RAB38: variants seen among roughly 807,000 people sequenced by gnomAD.
RAB38 encodes the protein ras-related protein Rab-38.
Under a neutral mutation model 18.4 loss-of-function variants are expected in RAB38, and 15 were observed. The observed-to-expected ratio is 0.82, with a 90% CI of 0.55 to 1.26. RAB38 has a LOEUF of 1.26. Among genes scored for constraint, RAB38 ranks in the 50% most tolerant of loss-of-function variants. The pLI is 0.00. For missense variants in RAB38, 294 were observed against 267.4 expected (o/e 1.10, Z -0.69); for synonymous variants, 101 against 104.4 (o/e 0.97, Z 0.20).
chr11:87,843,538 G>A, the RAB38 span, among the ~76,000 whole-genome samples: 1 of 152,098 alleles, frequency 6.6e-6, no homozygotes, highest in Non-Finnish European at 1.5e-5. Context: ...TGACTAATAT[G>A]TACATCAATA....
chr11:87,819,460 T>A, the RAB38 span, among the ~76,000 whole-genome samples: 5 of 152,106 alleles, frequency 3.3e-5, no homozygotes, highest in South Asian at 2.1e-4. Context: ...GATTTTTTTT[T>A]ATTGTTTTTT....
chr11:88,148,884 T>C (rs4753250), intron 2 of RAB38, among the ~76,000 whole-genome samples: 36,544 of 152,148 alleles, frequency 0.24, 4,521 homozygotes, highest in Non-Finnish European at 0.28. Flanking sequence ...ATTTTAGTTA[T>C]GGTTTTTTAT....
At chr11:88,143,134 CTT>C (rs1942937064) in intron 2 of RAB38, among the ~76,000 whole-genome samples, 1 of 152,212 alleles carries the variant, frequency 6.6e-6, no homozygotes, top group African/African-American at 2.4e-5. Context: ...AATCCTGACT[CTT>C]TGACATACCG....
At chr11:87,929,259 T>A in the RAB38 span, among the ~76,000 whole-genome samples, 1 of 152,088 alleles carries the variant, frequency 6.6e-6, no homozygotes, top group Non-Finnish European at 1.5e-5. Context: ...AGTTAACTAG[T>A]TAGTAAAAAC....
At chr11:88,056,974 TATA>T in the RAB38 span, among the ~76,000 whole-genome samples, 1 of 152,174 alleles carries the variant, frequency 6.6e-6, no homozygotes, top group African/African-American at 2.4e-5. Context: ...TCGGTGAATA[TATA>T]ATGAGTATCA....
chr11:87,933,414 T>G, the RAB38 span, among the ~76,000 whole-genome samples: 1 of 152,094 alleles, frequency 6.6e-6, no homozygotes. Flanking sequence ...CTGGTCCAGC[T>G]TAGTTACCTC....
chr11:88,118,981 T>A (rs1411825130), intron 2 of RAB38, among the ~76,000 whole-genome samples: 1 of 152,282 alleles, frequency 6.6e-6, no homozygotes, highest in East Asian at 1.9e-4. Flanking sequence ...CAGAACATTA[T>A]CTTAGCCAAT....
the RAB38 span, among the ~76,000 whole-genome samples, chr11:88,069,508 C>G: frequency 2.0e-5 from 3 of 152,324 alleles, no homozygotes; most frequent in African/African-American, 7.2e-5. Context: ...CAGCTGGGCT[C>G]CTGAGTGGGG....
chr11:87,916,570 C>T, the RAB38 span, among the ~76,000 whole-genome samples: 1 of 152,104 alleles, frequency 6.6e-6, no homozygotes, highest in Non-Finnish European at 1.5e-5. Context: ...CAACAATGTG[C>T]TTCTCATACT....
the RAB38 span, among the ~76,000 whole-genome samples, chr11:87,897,449 G>T: frequency 6.6e-6 from 1 of 151,560 alleles, no homozygotes; most frequent in African/African-American, 2.4e-5. Context: ...CTATTTCCCA[G>T]ATCTTAAAAA....
intron 1 of RAB38, chr11:88,173,699 A>G: frequency 1.0e-6 from 1 of 982,188 alleles, no homozygotes; most frequent in Non-Finnish European, 1.2e-6. Context: ...ATGCAGCAAG[A>G]AAGTACACAG....
chr11:88,107,933 G>C, the RAB38 span, among the ~76,000 whole-genome samples: 1 of 152,164 alleles, frequency 6.6e-6, no homozygotes, highest in Non-Finnish European at 1.5e-5. Context: ...GCAATTTTGA[G>C]TGAGTTTCTC....
the RAB38 span, among the ~76,000 whole-genome samples, chr11:87,818,113 G>A: frequency 6.6e-6 from 1 of 152,148 alleles, no homozygotes; most frequent in African/African-American, 2.4e-5. Context: ...AATACAGATA[G>A]CCGGGAGCTC....
intron 1 of RAB38, among the ~76,000 whole-genome samples, chr11:88,156,539 T>C (rs956998632): frequency 6.6e-6 from 1 of 152,000 alleles, no homozygotes; most frequent in Non-Finnish European, 1.5e-5. Context: ...CCATCTCTAA[T>C]AAAAATACAA....
At chr11:87,880,658 C>A in the RAB38 span, among the ~76,000 whole-genome samples, 2 of 151,726 alleles carry the variant, frequency 1.3e-5, no homozygotes, top group African/African-American at 2.4e-5. Context: ...TATATAGGGT[C>A]CCACAACATT....
intron 1 of RAB38, chr11:88,173,795 G>GC (rs1396639903): frequency 1.0e-6 from 1 of 985,256 alleles, no homozygotes; most frequent in African/African-American, 1.7e-5. Context: ...TACTAGAGCA[G>GC]CTGAAGATGA....
the RAB38 span, among the ~76,000 whole-genome samples, chr11:87,903,457 C>G: frequency 6.6e-6 from 1 of 151,328 alleles, no homozygotes; most frequent in South Asian, 2.1e-4. Context: ...TTGCGTTTGA[C>G]TTATTCATGT....
chr11:88,083,051 G>A, the RAB38 span, among the ~76,000 whole-genome samples: 3 of 151,682 alleles, frequency 2.0e-5, no homozygotes, highest in Non-Finnish European at 2.9e-5. Flanking sequence ...GAATAGATAC[G>A]CTCCTACTTC....
At chr11:88,125,728 T>A (rs530200426) in intron 2 of RAB38, among the ~76,000 whole-genome samples, 1 of 152,196 alleles carries the variant, frequency 6.6e-6, no homozygotes, top group Non-Finnish European at 1.5e-5. Context: ...AATTAGATCC[T>A]ATTTGTCAAT....
Sources: gnomAD v4.1 joint callset for allele counts (sites outside exome capture counted in the v4.1 genomes callset) on GRCh38, gnomAD v4.1.1 for gene constraint, MANE v1.5 for transcripts, NCBI Gene and HGNC (gene_info 2026-07-23, HGNC 2026-07-21) for gene names.